The following ZDHHC2 variants were observed in gnomAD, a reference collection of about 807,000 sequenced individuals.
The protein encoded by ZDHHC2 is palmitoyltransferase ZDHHC2.
Under a neutral mutation model 55.6 loss-of-function variants are expected in ZDHHC2, and 51 were observed. The ratio of observed to expected loss-of-function variants is 0.92; its 90% confidence interval spans 0.73 to 1.16. The LOEUF is 1.16. Among genes scored for constraint, ZDHHC2 ranks in the 50% most tolerant of loss-of-function variants. ZDHHC2 has a pLI of 0.00. For missense variants in ZDHHC2, 491 were observed against 442.4 expected, an observed-to-expected ratio of 1.11 and a Z score of -0.99; for synonymous variants, 199 against 152.9, an observed-to-expected ratio of 1.30 and a Z score of -2.22.
chr8:17,186,838 A>G (rs1158465176), intron 3 of ZDHHC2, among the ~76,000 whole-genome samples: 1 of 152,212 alleles, frequency 6.6e-6, no homozygotes, highest in African/African-American at 2.4e-5. Flanking sequence ...CTGCATTCAA[A>G]AAGTCTGTAG....
intron 1 of ZDHHC2, among the ~76,000 whole-genome samples, chr8:17,183,096 C>T (rs1049784560): frequency 1.3e-5 from 2 of 152,146 alleles, no homozygotes; most frequent in Non-Finnish European, 2.9e-5. Flanking sequence ...GTCACTTTGT[C>T]TTAGTTTTCA....
chr8:17,185,359 T>C (rs775863794), intron 2 of ZDHHC2, among the ~76,000 whole-genome samples: 2 of 152,182 alleles, frequency 1.3e-5, no homozygotes, highest in Non-Finnish European at 2.9e-5. Context: ...TATAGAAAAT[T>C]AATATTTAAA....
intron 1 of ZDHHC2, among the ~76,000 whole-genome samples, chr8:17,175,140 T>C (rs571639800): frequency 1.3e-5 from 2 of 152,302 alleles, no homozygotes; most frequent in Non-Finnish European, 2.9e-5. Flanking sequence ...AGATGTGTTC[T>C]GAGGTAGAGG....
chr8:17,166,095 A>G (rs1194748895), intron 1 of ZDHHC2, among the ~76,000 whole-genome samples: 1 of 152,206 alleles, frequency 6.6e-6, no homozygotes, highest in Non-Finnish European at 1.5e-5. Flanking sequence ...TTGGGGTGAC[A>G]TGAGAATCCA....
At chr8:17,183,612 A>G (rs138579320) in intron 1 of ZDHHC2, among the ~76,000 whole-genome samples, 1 of 152,332 alleles carries the variant, frequency 6.6e-6, no homozygotes, top group Admixed American at 6.5e-5. Context: ...GAAACCATAT[A>G]TTAGTTGGTG....
intron 1 of ZDHHC2, among the ~76,000 whole-genome samples, chr8:17,182,085 C>G (rs1805458336): frequency 6.6e-6 from 1 of 152,092 alleles, no homozygotes; most frequent in Non-Finnish European, 1.5e-5. Context: ...CAAAGCAAAA[C>G]CTTGCATAGT....
intron 1 of ZDHHC2, among the ~76,000 whole-genome samples, chr8:17,169,838 T>C (rs1283565802): frequency 1.3e-5 from 2 of 152,194 alleles, no homozygotes; most frequent in Non-Finnish European, 2.9e-5. Flanking sequence ...GATGACTGGA[T>C]TCTTCAATTC....
At chr8:17,168,907 T>C (rs1804729585) in intron 1 of ZDHHC2, among the ~76,000 whole-genome samples, 1 of 152,218 alleles carries the variant, frequency 6.6e-6, no homozygotes, top group Non-Finnish European at 1.5e-5. Context: ...GTGGCATGTA[T>C]ATATCAGATA....
intron 1 of ZDHHC2, among the ~76,000 whole-genome samples, chr8:17,167,993 C>G (rs1274095478): frequency 6.6e-6 from 1 of 152,114 alleles, no homozygotes; most frequent in Non-Finnish European, 1.5e-5. Flanking sequence ...TTTAAAAAGA[C>G]CTTCTAACAT....
chr8:17,194,688 T>C (rs1421968888), intron 3 of ZDHHC2, among the ~76,000 whole-genome samples: 1 of 152,222 alleles, frequency 6.6e-6, no homozygotes, highest in Non-Finnish European at 1.5e-5. Flanking sequence ...CTGAGGTTCT[T>C]TCCTTTGCTA....
intron 1 of ZDHHC2, among the ~76,000 whole-genome samples, chr8:17,182,277 A>C (rs1194259847): frequency 6.6e-6 from 1 of 152,218 alleles, no homozygotes; most frequent in African/African-American, 2.4e-5. Flanking sequence ...AAAGGCTCTC[A>C]GTAACTAAGT....
At chr8:17,156,879 C>A in intron 1 of ZDHHC2, 26 bp downstream of exon 1, 2 of 1,481,710 alleles carry the variant, frequency 1.3e-6, no homozygotes. Context: ...GCCGCGGCGC[C>A]CCCAGCGCAG....
intron 1 of ZDHHC2, among the ~76,000 whole-genome samples, chr8:17,177,943 C>T (rs1025191938): frequency 6.6e-6 from 1 of 152,070 alleles, no homozygotes; most frequent in African/African-American, 2.4e-5. Flanking sequence ...AAAGAAAATT[C>T]AGATTAAGAA....
At chr8:17,157,066 G>A (rs894976565) in intron 1 of ZDHHC2, among the ~76,000 whole-genome samples, 1 of 151,980 alleles carries the variant, frequency 6.6e-6, no homozygotes, top group Non-Finnish European at 1.5e-5. Context: ...CTCGGGTTAA[G>A]GTGGCGCCTC....
At position 17,205,713 on chromosome 8, in the gene ZDHHC2, T is replaced by G; in HGVS notation, c.535T>G (p.Ser179Ala). Reference sequence around the variant, plus strand: ...GTTCTTTCTCCTTTTCTTGGCTTATTCTCTGCTCTACTGCCTTTTTATTGC... The same window carrying G: ...GTTCTTTCTCCTTTTCTTGGCTTATGCTCTGCTCTACTGCCTTTTTATTGC... ...YKFFLLFLAY[S>A]LLYCLFIAAT... is the part of the protein sequence containing the mutation. The change falls in exon 7 of 13, where the codon TCT becomes GCT. Residue 179 changes from serine to alanine, a missense_variant. Coordinates refer to ENST00000262096, the MANE Select transcript of ZDHHC2 (RefSeq NM_016353.5). The G allele has an allele frequency of 6.2e-7, 1 of 1,611,124 alleles. No individual in the cohort carries two copies. The highest frequency in any genetic ancestry group is 8.5e-7 in the Non-Finnish European group (1 of 1,179,082).
Position 17,220,405 on chromosome 8 carries a change from A to G in ZDHHC2, c.*184A>G, listed in dbSNP as rs368247070. ...TAAAATATAACATGTTTTGGATCCA[A>G]TACACACATTGTTACAACTAACACA... On this transcript the variant is annotated 3_prime_UTR_variant, in exon 13 of 13. Transcript: ENST00000262096. 8 of 152,296 alleles carry G rather than the reference A, an allele frequency of 5.3e-5. No homozygotes were observed. The highest frequency in any genetic ancestry group is 1.9e-4 in the African/African-American group (8 of 41,566). 9.4% of individuals were successfully genotyped at this position (152,296 alleles called of 1,614,324 possible).
chr8:17,216,478 T>TG (rs1278589788), intron 11 of ZDHHC2, among the ~76,000 whole-genome samples: 2 of 152,316 alleles, frequency 1.3e-5, no homozygotes, highest in East Asian at 3.9e-4. Context: ...TTCTAATCTA[T>TG]GGCAAGGACT....
rs1480235318 is a variant in ZDHHC2, at chr8:17,223,091, T to C, written c.*2870T>C. 1 of 151,874 alleles carries C rather than the reference T, an allele frequency of 6.6e-6. No homozygotes were observed. The highest frequency in any genetic ancestry group is 1.5e-5 in the Non-Finnish European group (1 of 67,818). The allele number at this position is 151,874 out of a possible 1,614,324, so 9.4% of individuals were successfully genotyped here. On this transcript the variant is annotated 3_prime_UTR_variant, in exon 13 of 13. Coordinates refer to ENST00000262096, the MANE Select transcript of ZDHHC2 (RefSeq NM_016353.5). ...ATGTGATTCATGCTTCAAGAAAATA[T>C]ATGAAAAAAGTGTTACTCCATTATG...
chr8:17,201,794 C>T (rs1375282131), intron 6 of ZDHHC2, among the ~76,000 whole-genome samples: 2 of 151,896 alleles, frequency 1.3e-5, no homozygotes, highest in Non-Finnish European at 2.9e-5. Context: ...ACGCGCCCGG[C>T]CAGGGCAGCT....
Sources: gnomAD v4.1 joint callset for allele counts (sites outside exome capture counted in the v4.1 genomes callset) on GRCh38, gnomAD v4.1.1 for gene constraint, MANE v1.5 for transcripts, NCBI Gene and HGNC (gene_info 2026-07-23, HGNC 2026-07-21) for gene names.